Variants in HIPK3 observed in about 807,000 individuals in gnomAD.
The protein encoded by HIPK3 is homeodomain interacting protein kinase 3.
In HIPK3, 47 loss-of-function variants were observed where a neutral mutation model predicts 124.2. That is an observed-to-expected ratio of 0.38 (90% CI 0.30 to 0.48). The LOEUF is 0.48. Ranked by LOEUF, HIPK3 falls within the 20% of genes least tolerant of loss-of-function variation. The pLI, the probability that HIPK3 is intolerant of heterozygous loss-of-function variation, is 0.98. For missense variants in HIPK3, 1,286 were observed against 1,454.3 expected (o/e 0.88, Z 1.88); for synonymous variants, 482 against 515.2 (o/e 0.94, Z 0.87).
At chr11:33,269,901 C>T (rs1281300405) in intron 1 of HIPK3, among the ~76,000 whole-genome samples, 1 of 152,104 alleles carries the variant, frequency 6.6e-6, no homozygotes, top group African/African-American at 2.4e-5. Flanking sequence ...TACCTTATTT[C>T]TAAATCCTTT....
rs1565064083 is a variant in HIPK3, at chr11:33,286,664, GT to G, written c.254del (p.Leu85Ter). 6.2e-7 allele frequency: 1 copy of G among 1,613,998 alleles called. No individual in the cohort carries two copies. The highest frequency in any genetic ancestry group is 8.5e-7 in the Non-Finnish European group (1 of 1,180,020). ...HNFSLQTSAV[V>X]LKNTAGATKV... ...CTTTTCATTGCAGACAAGTGCTGTT[GT>G]TTTGAAAAACACTGCAGGTGCTACA... is the stretch of plus-strand genomic sequence containing the variant. On this transcript the variant is annotated frameshift_variant, in exon 2 of 17. Coordinates refer to ENST00000303296, the MANE Select transcript of HIPK3 (RefSeq NM_005734.5). LOFTEE classifies it high-confidence loss of function.
chr11:33,275,787 A>C (rs1851255534), intron 1 of HIPK3, among the ~76,000 whole-genome samples: 1 of 152,176 alleles, frequency 6.6e-6, no homozygotes, highest in African/African-American at 2.4e-5. Context: ...AGCTTTAAAA[A>C]CTGTTATGAA....
upstream of HIPK3, chr11:33,257,223 G>T (rs529985285): frequency 7.1e-6 from 7 of 984,112 alleles, no homozygotes; most frequent in African/African-American, 1.2e-4. Context: ...GCGGACTGGC[G>T]GGCGGACCCC....
At chr11:33,314,131 A>G (rs1005227798) in intron 2 of HIPK3, among the ~76,000 whole-genome samples, 1 of 152,192 alleles carries the variant, frequency 6.6e-6, no homozygotes, top group Non-Finnish European at 1.5e-5. Flanking sequence ...TGAATAATGC[A>G]TTTAATAGTT....
intron 2 of HIPK3, among the ~76,000 whole-genome samples, chr11:33,311,092 C>A (rs538601469): frequency 2.6e-5 from 4 of 152,214 alleles, no homozygotes; most frequent in Admixed American, 2.0e-4. Context: ...ATATAAGGCT[C>A]ACTTTAGTAA....
chr11:33,341,957 T>G (rs1448420140), intron 8 of HIPK3, among the ~76,000 whole-genome samples: 1 of 151,674 alleles, frequency 6.6e-6, no homozygotes, highest in African/African-American at 2.4e-5. Flanking sequence ...AAAAATTAGC[T>G]GGGTATGGTG....
chr11:33,317,875 A>T (rs567762143), intron 2 of HIPK3, among the ~76,000 whole-genome samples: 1 of 152,210 alleles, frequency 6.6e-6, no homozygotes, highest in African/African-American at 2.4e-5. Context: ...GGTCACATCC[A>T]CTGTTGAGCT....
At chr11:33,313,881 G>A (rs1409948013) in intron 2 of HIPK3, among the ~76,000 whole-genome samples, 3 of 151,632 alleles carry the variant, frequency 2.0e-5, no homozygotes, top group African/African-American at 7.3e-5. Flanking sequence ...TGAGAGATAG[G>A]GTCCAGGCTG....
intron 2 of HIPK3, among the ~76,000 whole-genome samples, chr11:33,316,719 A>G (rs1852513632): frequency 6.6e-6 from 1 of 152,234 alleles, no homozygotes; most frequent in South Asian, 2.1e-4. Flanking sequence ...GCTACTTGGG[A>G]TGCTGGAGGG....
At chr11:33,335,883 C>T (rs1219358778) in intron 3 of HIPK3, 3 of 151,982 alleles carry the variant, frequency 2.0e-5, no homozygotes, top group Non-Finnish European at 2.9e-5. Context: ...TTTGCTAAGC[C>T]CCTGTTTATC....
chr11:33,311,036 G>T (rs1452939264), intron 2 of HIPK3, among the ~76,000 whole-genome samples: 3 of 152,168 alleles, frequency 2.0e-5, no homozygotes, highest in Non-Finnish European at 2.9e-5. Flanking sequence ...ACTACTTTCT[G>T]TTCAGCCTCT....
chr11:33,292,180 A>T (rs1393993009), intron 2 of HIPK3, among the ~76,000 whole-genome samples: 1 of 152,144 alleles, frequency 6.6e-6, no homozygotes, highest in East Asian at 1.9e-4. Flanking sequence ...TGGGGTAGTT[A>T]AGACTGGGTG....
intron 1 of HIPK3, among the ~76,000 whole-genome samples, chr11:33,263,851 A>G (rs1042436041): frequency 6.6e-6 from 1 of 152,180 alleles, no homozygotes; most frequent in Non-Finnish European, 1.5e-5. Flanking sequence ...TTTGGGGAAG[A>G]TAAGCTTTTT....
chr11:33,348,055 C>CT (rs1423454237), intron 11 of HIPK3, 42 bp downstream of exon 11: 4 of 1,611,528 alleles, frequency 2.5e-6, no homozygotes, highest in Non-Finnish European at 3.4e-6. Context: ...TTTTGAGAAT[C>CT]TTTTAAATGA....
chr11:33,311,837 T>TACACACACACACAC (rs370396153), intron 2 of HIPK3, among the ~76,000 whole-genome samples: 7,273 of 104,188 alleles, frequency 0.07, 569 homozygotes, highest in Non-Finnish European at 0.096. Flanking sequence ...ACCCTGTTTC[T>TACACACACACACAC]ACACACACAC....
At chr11:33,303,777 T>C (rs1353494190) in intron 2 of HIPK3, among the ~76,000 whole-genome samples, 1 of 152,174 alleles carries the variant, frequency 6.6e-6, no homozygotes, top group Non-Finnish European at 1.5e-5. Flanking sequence ...CATCAGCTGG[T>C]GTGGCAAGAT....
chr11:33,257,959 G>A, intron 1 of HIPK3, 70 bp downstream of exon 1: 2 of 982,934 alleles, frequency 2.0e-6, no homozygotes, highest in Non-Finnish European at 2.4e-6. Flanking sequence ...GGGCTCCGCG[G>A]CCAGCGGACC....
intron 15 of HIPK3, 77 bp downstream of exon 15, chr11:33,351,920 C>A (rs1853673951): frequency 8.1e-7 from 1 of 1,235,864 alleles, no homozygotes; most frequent in Non-Finnish European, 1.1e-6. Flanking sequence ...AATGCAGTTG[C>A]CAAAGTCATC....
chr11:33,355,184 T>A lies in HIPK3; in HGVS notation c.*1616T>A, dbSNP rs947694899. 1 of 152,138 alleles carries A rather than the reference T, an allele frequency of 6.6e-6. No homozygotes were observed. The highest frequency in any genetic ancestry group is 1.5e-5 in the Non-Finnish European group (1 of 67,954). The allele number at this position is 152,138 out of a possible 1,614,324, so 9.4% of individuals were successfully genotyped here. A position where few individuals can be genotyped will look rare whatever the true frequency, so the allele number is the denominator to read the frequency against. On this transcript the variant is annotated 3_prime_UTR_variant, in exon 17 of 17. Transcript: ENST00000303296. Reference sequence around the variant, plus strand: ...TAATTTCTGTATAAGTCTAATTACATGAATAGAAATTGGGGTTTTGATTTT... The same window carrying A: ...TAATTTCTGTATAAGTCTAATTACAAGAATAGAAATTGGGGTTTTGATTTT...
Sources: allele counts gnomAD v4.1 joint callset (sites outside exome capture counted in the v4.1 genomes callset), GRCh38; gene constraint gnomAD v4.1.1; transcripts MANE v1.5; gene names NCBI Gene and HGNC (gene_info 2026-07-23, HGNC 2026-07-21).